The following AFAP1 variants were observed in gnomAD, a reference collection of about 807,000 sequenced individuals.
AFAP1 encodes actin filament associated protein 1.
A neutral mutation model predicts 93.9 loss-of-function variants in AFAP1; 75 were observed. The observed-to-expected ratio is 0.80, with a 90% CI of 0.66 to 0.97. AFAP1 has a LOEUF of 0.97. Among genes scored for constraint, AFAP1 ranks in the 50% least tolerant of loss-of-function variants. AFAP1 has a pLI of 0.00. For synonymous variants in AFAP1, 517 were observed against 430.7 expected, an observed-to-expected ratio of 1.20 and a Z score of -2.48; for missense variants, 1,201 against 1,050.8, an observed-to-expected ratio of 1.14 and a Z score of -1.98.
intron 2 of AFAP1, among the ~76,000 whole-genome samples, chr4:7,871,501 G>C (rs1291719984): frequency 6.6e-6 from 1 of 152,220 alleles, no homozygotes; most frequent in Non-Finnish European, 1.5e-5. Context: ...TATTGCTGAG[G>C]ACAGCGTGTG....
chr4:7,811,293 A>G (rs1720010070), intron 8 of AFAP1, among the ~76,000 whole-genome samples: 1 of 152,132 alleles, frequency 6.6e-6, no homozygotes, highest in African/African-American at 2.4e-5. Context: ...AGGTGATGAG[A>G]GTCAAGGACT....
At chr4:7,854,423 C>T (rs1395170400) in intron 4 of AFAP1, among the ~76,000 whole-genome samples, 1 of 152,168 alleles carries the variant, frequency 6.6e-6, no homozygotes, top group Non-Finnish European at 1.5e-5. Context: ...TCTCCACAGC[C>T]CTTCTCCACA....
chr4:7,807,209 CAAA>C (rs1719595719), intron 9 of AFAP1, among the ~76,000 whole-genome samples: 1 of 152,092 alleles, frequency 6.6e-6, no homozygotes, highest in African/African-American at 2.4e-5. Context: ...CATTAAAAAA[CAAA>C]AACAAAAGAG....
chr4:7,872,050 A>C lies in AFAP1; in HGVS notation c.29T>G (p.Leu10Arg), dbSNP rs757411427. 36 of 1,614,006 alleles carry C rather than the reference A, an allele frequency of 2.2e-5. No homozygotes were observed. Among genetic ancestry groups the C allele is most frequent in the Non-Finnish European group, 3.1e-5 (36 of 1,180,006 alleles). The change falls in exon 2 of 18, where the codon CTC (leucine) becomes CGC (arginine). Residue 10 changes from leucine to arginine, a missense_variant. Leu to Arg is a moderately radical substitution (Grantham distance 102). Coordinates refer to ENST00000420658, the MANE Select transcript of AFAP1 (RefSeq NM_001134647.2). MEELIVELR[L>R]FLELLDHEYL... is the part of the protein sequence containing the mutation. The stretch of plus-strand genomic sequence containing the variant: ...TTCATGGTCCAGGAGTTCAAGAAAG[A>C]GACGAAGTTCAACTATTAACTCTTC...
intron 1 of AFAP1, among the ~76,000 whole-genome samples, chr4:7,934,282 G>T (rs550553961): frequency 1.3e-5 from 2 of 152,132 alleles, no homozygotes; most frequent in Non-Finnish European, 2.9e-5. Flanking sequence ...CAGATGCCCC[G>T]AGGGAGCCCA....
chr4:7,917,818 G>A (rs1195255948), intron 1 of AFAP1, among the ~76,000 whole-genome samples: 1 of 152,156 alleles, frequency 6.6e-6, no homozygotes, highest in Non-Finnish European at 1.5e-5. Flanking sequence ...CTTTCCTCCT[G>A]CGTCTTTCAC....
chr4:7,894,211 A>G (rs573032655), intron 1 of AFAP1, among the ~76,000 whole-genome samples: 47 of 152,298 alleles, frequency 3.1e-4, no homozygotes, highest in Admixed American at 7.8e-4. Flanking sequence ...ATTTTTGTCA[A>G]TAATGTTTTA....
chr4:7,903,997 G>C (rs1478625132), intron 1 of AFAP1, among the ~76,000 whole-genome samples: 1 of 150,378 alleles, frequency 6.6e-6, no homozygotes, highest in Non-Finnish European at 1.5e-5. Flanking sequence ...AAATGTGTGT[G>C]TTTATTTGGC....
intron 6 of AFAP1, among the ~76,000 whole-genome samples, chr4:7,828,482 G>A (rs1721626315): frequency 2.6e-5 from 4 of 152,210 alleles, no homozygotes; most frequent in Admixed American, 2.0e-4. Context: ...GGCCAAAGGA[G>A]TGTGGGAAGC....
intron 14 of AFAP1, chr4:7,775,587 G>A (rs183562846): frequency 4.7e-5 from 7 of 148,924 alleles, no homozygotes; most frequent in African/African-American, 1.8e-4. Context: ...ATTAGCACCC[G>A]GCACGGAGTG....
At chr4:7,794,990 T>C (rs569327018) in intron 10 of AFAP1, among the ~76,000 whole-genome samples, 4 of 152,342 alleles carry the variant, frequency 2.6e-5, no homozygotes, top group East Asian at 1.9e-4. Context: ...AAAAAATTTA[T>C]TGCTTATAAA....
At chr4:7,871,291 A>G (rs2149182294) in intron 2 of AFAP1, among the ~76,000 whole-genome samples, 1 of 152,320 alleles carries the variant, frequency 6.6e-6, no homozygotes, top group Admixed American at 6.5e-5. Context: ...TGATCCCACC[A>G]TTCCCTGATG....
intron 14 of AFAP1, chr4:7,776,901 C>T (rs540697406): frequency 6.6e-6 from 1 of 152,294 alleles, no homozygotes; most frequent in Admixed American, 6.5e-5. Context: ...CTTTTGGTCC[C>T]CATGTAATAA....
Position 7,768,878 on chromosome 4 carries a change from G to C in AFAP1, c.2384C>G (p.Ser795Cys), listed in dbSNP as rs778891105. The C allele has an allele frequency of 1.2e-6, 2 of 1,607,874 alleles. No individual in the cohort carries two copies. The highest frequency in any genetic ancestry group is 1.7e-6 in the Non-Finnish European group (2 of 1,175,476). Reference protein sequence around the residue: ...LKKSQAAPGSSPCRGHVLRKA... With the variant: ...LKKSQAAPGSCPCRGHVLRKA... ...CCGCAGCACATGCCCTCGGCAGGGGGAGCTGCCCGGGGCAGCCTGGCTCTT... is the reference window on the plus strand; with the variant it reads ...CCGCAGCACATGCCCTCGGCAGGGGCAGCTGCCCGGGGCAGCCTGGCTCTT... Residue 795 changes from serine to cysteine, a missense_variant, in exon 17 of 18, where the codon TCC (serine) becomes TGC (cysteine). By Grantham distance (112) the Ser-to-Cys change is moderately radical. Transcript: ENST00000420658.
chr4:7,857,297 T>C (rs1456584305), intron 3 of AFAP1, among the ~76,000 whole-genome samples: 1 of 152,126 alleles, frequency 6.6e-6, no homozygotes, highest in Non-Finnish European at 1.5e-5. Context: ...ATGTAACTCA[T>C]CTCTGAAGCC....
chr4:7,939,601 G>C lies in AFAP1; in HGVS notation c.-3+55C>G, dbSNP rs1451682666. On this transcript the variant is annotated intron_variant, in intron 1 of 17. Coordinates refer to ENST00000420658, the MANE Select transcript of AFAP1 (RefSeq NM_001134647.2). This position sits in a 1 kb window ranked among gnomAD's most constrained non-coding sequence, Gnocchi z 5.6. ...AGCCCCGCTCGGAGCTTCCACGCCC[G>C]GGGCAGAGACCCCCGCCGGGTCCGG... 1 of 404,144 alleles carries C rather than the reference G, an allele frequency of 2.5e-6. No homozygotes were observed. The highest frequency in any genetic ancestry group is 4.9e-6 in the Non-Finnish European group (1 of 205,522). 25.0% of individuals were successfully genotyped at this position (404,144 alleles called of 1,614,324 possible). A position where few individuals can be genotyped will look rare whatever the true frequency, so the allele number is the denominator to read the frequency against.
intron 10 of AFAP1, among the ~76,000 whole-genome samples, chr4:7,799,406 G>C (rs1255542812): frequency 1.3e-5 from 2 of 152,028 alleles, no homozygotes; most frequent in Non-Finnish European, 2.9e-5. Context: ...TCTTCAGAAA[G>C]ACTGCCTGAC....
intron 1 of AFAP1, among the ~76,000 whole-genome samples, chr4:7,931,515 A>G (rs1162046207): frequency 6.6e-6 from 1 of 150,998 alleles, no homozygotes; most frequent in Admixed American, 6.6e-5. Context: ...CTGAGTAGCT[A>G]GAATCACAGG....
intron 10 of AFAP1, among the ~76,000 whole-genome samples, 197 bp from the exon 11 acceptor site, chr4:7,794,023 G>A (rs761685887): frequency 2.6e-5 from 4 of 152,180 alleles, no homozygotes; most frequent in Non-Finnish European, 5.9e-5. Context: ...GTGTCATCCC[G>A]ATTACACCAA....
Sources: gnomAD v4.1 joint callset for allele counts (sites outside exome capture counted in the v4.1 genomes callset) on GRCh38, gnomAD v4.1.1 for gene constraint, Gnocchi (gnomAD v3.1) non-coding constraint, MANE v1.5 for transcripts, NCBI Gene and HGNC (gene_info 2026-07-23, HGNC 2026-07-21) for gene names.